The following NOTCH3 variants were observed in gnomAD, a reference collection of about 807,000 sequenced individuals.
The protein encoded by NOTCH3 is neurogenic locus notch homolog protein 3.
Under a neutral mutation model 213.3 loss-of-function variants are expected in NOTCH3, and 86 were observed. The ratio of observed to expected loss-of-function variants is 0.40; its 90% CI spans 0.34 to 0.48. The LOEUF (loss-of-function observed/expected upper bound fraction) is 0.48, where lower values mean the gene tolerates loss of function less well. Among genes scored for constraint, NOTCH3 ranks in the 20% least tolerant of loss-of-function variants. The pLI is 0.57. For synonymous variants in NOTCH3, 1,354 were observed against 1,355.9 expected, an observed-to-expected ratio of 1.00 and a Z score of 0.03; for missense variants, 2,783 against 3,272.6, an observed-to-expected ratio of 0.85 and a Z score of 3.65.
intron 6 of NOTCH3, among the ~76,000 whole-genome samples, chr19:15,189,834 A>T (rs142312111): frequency 1.9e-3 from 284 of 152,182 alleles, no homozygotes; most frequent in African/African-American, 6.5e-3. Context: ...TTTTTATTAA[A>T]CCTAAACAGT....
At position 15,160,327 on chromosome 19, in the gene NOTCH3, AAAT is replaced by A. The variant is rs1317210162; in HGVS notation, c.*332_*334del. The A allele has an allele frequency of 1.1e-5, 3 of 267,352 alleles. No individual in the cohort carries two copies. Among genetic ancestry groups the A allele is most frequent in the East Asian group, 5.6e-5 (1 of 17,818 alleles). The allele number at this position is 267,352 out of a possible 1,614,324, so 16.6% of individuals were successfully genotyped here. On this transcript the variant is annotated 3_prime_UTR_variant, in exon 33 of 33. Coordinates refer to ENST00000263388, the MANE Select transcript of NOTCH3 (RefSeq NM_000435.3). The stretch of plus-strand genomic sequence containing the variant: ...AATGTAAAAAAAAAAAGAAAAATAA[AAAT>A]AATAATAATTCATTCATGTCAGAGT...
intron 28 of NOTCH3, 42 bp from the exon 29 acceptor site, chr19:15,167,453 G>A: frequency 6.3e-7 from 1 of 1,592,720 alleles, no homozygotes. Flanking sequence ...TCACCCTTTG[G>A]TGCTGGGGAG....
rs534274907 is a variant in NOTCH3 at position 15,160,551 on chromosome 19, G to A, written c.*111C>T. 25 of 929,534 alleles carry A rather than the reference G, an allele frequency of 2.7e-5. 1 individual carries two copies. The South Asian group carries it at 2.9e-4, about 11-fold the overall frequency. The allele number at this position is 929,534 out of a possible 1,614,324, so 57.6% of individuals were successfully genotyped here. A position where few individuals can be genotyped will look rare whatever the true frequency, so the allele number is the denominator to read the frequency against. ...GCAAGGCAAGGATGCAGGAGGGTTG[G>A]TGGAAAGAGAAGAGGATGAAAAAGA... On this transcript the variant is annotated 3_prime_UTR_variant, in exon 33 of 33. Coordinates refer to ENST00000263388, the MANE Select transcript of NOTCH3 (RefSeq NM_000435.3).
In NOTCH3 at chr19:15,184,113, C is replaced by T. The variant is rs140034139; in HGVS notation, c.2566+182G>A. ...GTTCTAAGCCCAGCTCATTCCCTAA[C>T]TCGTTCCATGGGCTTGCACAAGAAG... On this transcript the variant is annotated intron_variant, in intron 16 of 32. Transcript: ENST00000263388. Among the ~76,000 whole-genome samples the T allele has an allele frequency of 1.1e-4, 16 of 148,118 alleles. No homozygotes were observed. In the East Asian group the frequency reaches 3.1e-3, roughly 29 times the overall value.
chr19:15,188,393 G>T, intron 8 of NOTCH3, 45 bp from the exon 9 acceptor site: 1 of 1,267,834 alleles, frequency 7.9e-7, no homozygotes, highest in Non-Finnish European at 1.1e-6. Flanking sequence ...CTACCCTATG[G>T]TGTGAACGGG....
At chr19:15,179,986 C>G in intron 20 of NOTCH3, 86 bp downstream of exon 20, 1 of 904,084 alleles carries the variant, frequency 1.1e-6, no homozygotes, top group Non-Finnish European at 1.8e-6. Context: ...AGAGACATAC[C>G]CATACCAAGC....
chr19:15,174,514 G>A, intron 24 of NOTCH3, 114 bp from the exon 25 acceptor site: 1 of 784,200 alleles, frequency 1.3e-6, no homozygotes, highest in South Asian at 1.9e-5. Flanking sequence ...TTGCACAGGG[G>A]ACTGGAATAT....
Position 15,165,533 on chromosome 19 carries a change from T to C in NOTCH3, c.5668-18A>G, listed in dbSNP as rs775795440. On this transcript the variant is annotated intron_variant, in intron 30 of 32. Coordinates refer to ENST00000263388, the MANE Select transcript of NOTCH3 (RefSeq NM_000435.3). This position sits in a 1 kb window ranked among gnomAD's most constrained non-coding sequence, Gnocchi z 4.7. ...ATGAGAATCTAGGACAGAGAGTGGA[T>C]GCAGCAGGAGGGGTCATGGCAGGAA... 1.2e-6 allele frequency: 2 copies of C among 1,609,952 alleles called. No individual in the cohort carries two copies. The highest frequency in any genetic ancestry group is 1.7e-4 in the Middle Eastern group (1 of 6,052).
At chr19:15,172,046 G>A (rs1332541892) in intron 25 of NOTCH3, among the ~76,000 whole-genome samples, 1 of 152,074 alleles carries the variant, frequency 6.6e-6, no homozygotes, top group African/African-American at 2.4e-5. Flanking sequence ...ACAGGCATGC[G>A]CCACCACGCC....
intron 2 of NOTCH3, among the ~76,000 whole-genome samples, chr19:15,197,111 G>A (rs1016859240): frequency 3.9e-5 from 6 of 152,156 alleles, no homozygotes; most frequent in Non-Finnish European, 7.3e-5. Context: ...GAGGGGTGTG[G>A]AGGGTGTGAG....
At chr19:15,189,823 G>A (rs2046914146) in intron 6 of NOTCH3, among the ~76,000 whole-genome samples, 1 of 152,064 alleles carries the variant, frequency 6.6e-6, no homozygotes, top group African/African-American at 2.4e-5. Flanking sequence ...CCGGCCTGTT[G>A]TTTTTATTAA....
In NOTCH3 at chr19:15,188,356, A is replaced by C. The variant is rs1276994071; in HGVS notation, c.1379-8T>G. The C allele has an allele frequency of 1.9e-6, 3 of 1,572,808 alleles. No individual in the cohort carries two copies. Among genetic ancestry groups the C allele is most frequent in the Non-Finnish European group, 2.6e-6 (3 of 1,149,728 alleles). ...AATAGGTTCCTGTGAAGCCTGGGGC[A>C]GGGAATAGGGCTTAGGAAAGCGGGG... On this transcript the variant is annotated splice_region_variant and splice_polypyrimidine_tract_variant and intron_variant, in intron 8 of 32. Transcript: ENST00000263388.
intron 19 of NOTCH3, 75 bp downstream of exon 19, chr19:15,180,606 G>T: frequency 1.3e-6 from 2 of 1,502,324 alleles, no homozygotes; most frequent in Middle Eastern, 1.7e-4. Context: ...CCCCCATTCG[G>T]CTCACACTAG....
Position 15,187,897 on chromosome 19 carries a change from C to T in NOTCH3, c.1590G>A (p.Glu530=). ...CCGCCTCACCCTCGGCACAGCGGCA[C>T]TCGTAGCCATCGGGCTGGTCCACGC... ...AKCVDQPDGY[E]CRCAEGFEGT... The change falls in exon 10 of 33, where the codon GAG becomes GAA. Residue 530 remains glutamate, a synonymous_variant. Coordinates refer to ENST00000263388, the MANE Select transcript of NOTCH3 (RefSeq NM_000435.3). 1 of 1,549,328 alleles carries T rather than the reference C, an allele frequency of 6.5e-7. No homozygotes were observed. The highest frequency in any genetic ancestry group is 2.4e-5 in the East Asian group (1 of 40,904).
intron 2 of NOTCH3, among the ~76,000 whole-genome samples, chr19:15,196,567 A>G (rs960119936): frequency 1.3e-5 from 2 of 152,212 alleles, no homozygotes; most frequent in African/African-American, 4.8e-5. Context: ...TAATGAGTCA[A>G]TCAATGGCTA....
Position 15,181,787 on chromosome 19 carries a change from C to T in NOTCH3, c.2581G>A (p.Gly861Ser). The T allele has an allele frequency of 6.4e-7, 1 of 1,560,058 alleles. No individual in the cohort carries two copies. Among genetic ancestry groups the T allele is most frequent in the African/African-American group, 1.4e-5 (1 of 73,728 alleles). ...NDCDPNPCLNGGSCQDGVGSF... is the reference protein window; with the variant it reads ...NDCDPNPCLNSGSCQDGVGSF... ...CCCACGCCGTCTTGGCACGAGCCAC[C>T]GTTCAGGCATGGGTCTGCGGACAGG... Residue 861 changes from glycine to serine, a missense_variant, in exon 17 of 33, where the codon GGT becomes AGT. Gly to Ser is a moderately conservative substitution (Grantham distance 56). Coordinates refer to ENST00000263388, the MANE Select transcript of NOTCH3 (RefSeq NM_000435.3).
rs754554486 is a variant in NOTCH3 at position 15,187,186 on chromosome 19, G to T, written c.1759C>A (p.Arg587Ser). 23 of 1,613,930 alleles carry T rather than the reference G, an allele frequency of 1.4e-5. No homozygotes were observed. Among genetic ancestry groups the T allele is most frequent in the Non-Finnish European group, 1.9e-5 (22 of 1,180,026 alleles). Residue 587 changes from arginine (R) to serine (S), a missense_variant, in exon 11 of 33, where the codon CGC becomes AGC. Physicochemically the swap from Arg to Ser is moderately radical, Grantham distance 110 (BLOSUM62 -1). This residue lies in a region of NOTCH3 where 708 missense variants were observed against 906.6 expected (regional missense o/e 0.78). Transcript: ENST00000263388. ...CCGCCATGGCGGCAGGGCTGGCTGC[G>T]GCATTCGTCCACCTGGCTCTCGCAG... ...TRCESQVDEC[R>S]SQPCRHGGKC...
chr19:15,159,886 T>A lies in NOTCH3; in HGVS notation c.*776A>T, dbSNP rs917943707. ...ATGCATACATCTGCCCTGGCTCCCA[T>A]TTCCCACCAGCAGCCCCCTAGTTCC... On this transcript the variant is annotated 3_prime_UTR_variant, in exon 33 of 33. Transcript: ENST00000263388. 8.6e-5 allele frequency: 20 copies of A among 233,630 alleles called. No individual in the cohort carries two copies. The highest frequency in any genetic ancestry group is 1.4e-4 in the Non-Finnish European group (16 of 118,078). The allele number at this position is 233,630 out of a possible 1,614,324, so 14.5% of individuals were successfully genotyped here. A position where few individuals can be genotyped will look rare whatever the true frequency, so the allele number is the denominator to read the frequency against.
intron 2 of NOTCH3, 56 bp downstream of exon 2, chr19:15,197,444 C>A (rs2145450842): frequency 4.5e-6 from 3 of 662,096 alleles, no homozygotes; most frequent in South Asian, 4.4e-5. Context: ...ACAAATCGCC[C>A]CTCCCCCCCG....
Sources: gnomAD v4.1 joint callset for allele counts (sites outside exome capture counted in the v4.1 genomes callset) on GRCh38, gnomAD v4.1.1 for gene constraint, gnomAD v4.1.1 regional missense constraint, Gnocchi (gnomAD v3.1) non-coding constraint, MANE v1.5 for transcripts, NCBI Gene and HGNC (gene_info 2026-07-23, HGNC 2026-07-21) for gene names.